The following PTPRD variants were observed in gnomAD, a reference collection of about 807,000 sequenced individuals.
The protein encoded by PTPRD is protein tyrosine phosphatase receptor type D.
In PTPRD, 34 loss-of-function variants were observed where a neutral mutation model predicts 214.5. That is an observed-to-expected ratio of 0.16 (90% CI 0.12 to 0.21). The LOEUF is 0.21. PTPRD is among the 10% of genes least tolerant of loss of function. The pLI, the probability that PTPRD is intolerant of heterozygous loss-of-function variation, is 1.00. For missense variants in PTPRD, 2,545 were observed against 2,398.7 expected, an observed-to-expected ratio of 1.06 and a Z score of -1.27; for synonymous variants, 1,128 against 845.7, an observed-to-expected ratio of 1.33 and a Z score of -5.79.
At chr9:10,540,286 C>T (rs562543453) in intron 2 of PTPRD, among the ~76,000 whole-genome samples, 2 of 152,270 alleles carry the variant, frequency 1.3e-5, no homozygotes, top group Non-Finnish European at 2.9e-5. Flanking sequence ...CCTCGGCCTC[C>T]CAGAGTGCTG....
chr9:8,718,416 T>G (rs138137068), intron 12 of PTPRD, among the ~76,000 whole-genome samples: 1 of 152,094 alleles, frequency 6.6e-6, no homozygotes, highest in Non-Finnish European at 1.5e-5. Flanking sequence ...GAAAAAGAAG[T>G]ATGTGTTGTT....
chr9:9,942,703 TA>T (rs1477008534), intron 4 of PTPRD, among the ~76,000 whole-genome samples: 1 of 152,150 alleles, frequency 6.6e-6, no homozygotes, highest in Admixed American at 6.6e-5. Context: ...AATTAGCATT[TA>T]AAAAATTATA....
chr9:9,980,647 C>T (rs1175086733), intron 4 of PTPRD, among the ~76,000 whole-genome samples: 1 of 99,786 alleles, frequency 1.0e-5, no homozygotes, highest in African/African-American at 3.7e-5. Flanking sequence ...AAAAAAAAAA[C>T]CCTTTATGGA....
chr9:8,617,729 A>G (rs908714867), intron 14 of PTPRD, among the ~76,000 whole-genome samples: 2 of 152,152 alleles, frequency 1.3e-5, no homozygotes, highest in Non-Finnish European at 2.9e-5. Context: ...TCTTGAGTAG[A>G]TAAACTTTCT....
intron 36 of PTPRD, among the ~76,000 whole-genome samples, chr9:8,403,479 A>G (rs182431679): frequency 1.3e-5 from 2 of 152,326 alleles, no homozygotes; most frequent in African/African-American, 4.8e-5. Context: ...CTCCTAAACT[A>G]TTTTCTAAGG....
intron 11 of PTPRD, among the ~76,000 whole-genome samples, chr9:8,781,999 A>C (rs530752712): frequency 6.6e-6 from 1 of 152,000 alleles, no homozygotes. Context: ...TCAAACGGAC[A>C]AAAACTGTAT....
At chr9:8,789,723 C>A (rs1055986129) in intron 11 of PTPRD, among the ~76,000 whole-genome samples, 5 of 151,880 alleles carry the variant, frequency 3.3e-5, no homozygotes, top group African/African-American at 9.7e-5. Context: ...TTAAAAAAAA[C>A]CAGAATAGCA....
intron 11 of PTPRD, among the ~76,000 whole-genome samples, chr9:8,797,667 T>C (rs573365533): frequency 4.9e-4 from 75 of 152,274 alleles, no homozygotes; most frequent in African/African-American, 1.7e-3. Context: ...TACATGTGAT[T>C]TTCCTGTCAC....
chr9:10,374,555 C>CG (rs2097691703), intron 2 of PTPRD, among the ~76,000 whole-genome samples: 1 of 151,928 alleles, frequency 6.6e-6, no homozygotes, highest in South Asian at 2.1e-4. Flanking sequence ...CTCAGGAACC[C>CG]ACAGATCATC....
At chr9:8,809,182 T>G (rs2096750455) in intron 11 of PTPRD, among the ~76,000 whole-genome samples, 1 of 152,098 alleles carries the variant, frequency 6.6e-6, no homozygotes, top group Non-Finnish European at 1.5e-5. Flanking sequence ...AACAAAAGCT[T>G]GAAAATACTA....
At chr9:10,522,057 A>G (rs1253545918) in intron 2 of PTPRD, among the ~76,000 whole-genome samples, 1 of 152,160 alleles carries the variant, frequency 6.6e-6, no homozygotes, top group Non-Finnish European at 1.5e-5. Context: ...TCATAGATGG[A>G]TATAATATTT....
chr9:10,465,090 A>T (rs2098984501), intron 2 of PTPRD, among the ~76,000 whole-genome samples: 1 of 152,194 alleles, frequency 6.6e-6, no homozygotes, highest in African/African-American at 2.4e-5. Context: ...ATTTATAGAA[A>T]ACACTGAGTG....
At chr9:9,526,245 G>A (rs1044069633) in intron 8 of PTPRD, among the ~76,000 whole-genome samples, 3 of 152,108 alleles carry the variant, frequency 2.0e-5, no homozygotes, top group Non-Finnish European at 4.4e-5. Context: ...GCCTACTGAT[G>A]ATGAGCATTT....
chr9:10,252,344 A>G (rs1282687050), intron 3 of PTPRD, among the ~76,000 whole-genome samples: 1 of 152,102 alleles, frequency 6.6e-6, no homozygotes, highest in African/African-American at 2.4e-5. Context: ...TCCAGTCACC[A>G]TGCTGTGAGT....
At chr9:8,594,912 G>T (rs2094390908) in intron 14 of PTPRD, among the ~76,000 whole-genome samples, 1 of 147,184 alleles carries the variant, frequency 6.8e-6, no homozygotes, top group Non-Finnish European at 1.5e-5. Flanking sequence ...ACCCAGGCTG[G>T]AGTGCAGTGG....
intron 8 of PTPRD, among the ~76,000 whole-genome samples, chr9:9,411,876 T>C (rs1313473406): frequency 2.6e-5 from 4 of 152,130 alleles, no homozygotes; most frequent in African/African-American, 9.7e-5. Flanking sequence ...ACTAAATGCA[T>C]AGTGACCCTA....
intron 3 of PTPRD, among the ~76,000 whole-genome samples, chr9:10,278,981 A>T (rs1452985130): frequency 6.6e-6 from 1 of 152,028 alleles, no homozygotes; most frequent in Non-Finnish European, 1.5e-5. Flanking sequence ...TCACCGTGTT[A>T]GCCAGGATGA....
intron 3 of PTPRD, among the ~76,000 whole-genome samples, chr9:10,335,008 T>A (rs2096821047): frequency 6.6e-6 from 1 of 151,728 alleles, no homozygotes; most frequent in South Asian, 2.1e-4. Flanking sequence ...ACATAACAGT[T>A]CTTCCCAAAT....
chr9:10,460,988 T>TATAACA (rs1326236113), intron 2 of PTPRD, among the ~76,000 whole-genome samples: 2 of 152,048 alleles, frequency 1.3e-5, no homozygotes, highest in East Asian at 3.9e-4. Context: ...TTTCAAACCA[T>TATAACA]ATAACAAATA....
Sources: gnomAD v4.1 joint callset for allele counts (sites outside exome capture counted in the v4.1 genomes callset) on GRCh38, gnomAD v4.1.1 for gene constraint, MANE v1.5 for transcripts, NCBI Gene and HGNC (gene_info 2026-07-23, HGNC 2026-07-21) for gene names.